Variants in GALNTL6 observed in about 807,000 individuals in gnomAD.
GALNTL6 encodes the protein polypeptide N-acetylgalactosaminyltransferase-like 6.
A neutral mutation model predicts 73.7 loss-of-function variants in GALNTL6; 46 were observed. The observed-to-expected ratio is 0.62, with a 90% CI of 0.49 to 0.80. The LOEUF is 0.80. Ranked by LOEUF, GALNTL6 falls within the 30% of genes least tolerant of loss-of-function variation. The pLI is 0.00. For missense variants in GALNTL6, 604 were observed against 755.0 expected (o/e 0.80, Z 2.34); for synonymous variants, 259 against 263.7 (o/e 0.98, Z 0.17).
intron 2 of GALNTL6, among the ~76,000 whole-genome samples, chr4:171,986,394 A>AC (rs1338487977): frequency 6.6e-6 from 1 of 151,952 alleles, no homozygotes; most frequent in Non-Finnish European, 1.5e-5. Flanking sequence ...TAAGGCAGGA[A>AC]CCCGCCATCT....
chr4:172,893,634 C>T (rs1053450751), intron 8 of GALNTL6, among the ~76,000 whole-genome samples: 7 of 152,176 alleles, frequency 4.6e-5, no homozygotes, highest in African/African-American at 1.7e-4. Flanking sequence ...ATCAGATGCA[C>T]CCCCGTCCCA....
At chr4:172,074,133 C>A (rs953298979) in intron 2 of GALNTL6, among the ~76,000 whole-genome samples, 1 of 152,140 alleles carries the variant, frequency 6.6e-6, no homozygotes, top group East Asian at 1.9e-4. Flanking sequence ...AGGAATAAGC[C>A]CTAAATACTT....
rs115058860 is a variant in GALNTL6, at chr4:172,279,428, A to G, written c.248-32186A>G. Among the ~76,000 whole-genome samples the G allele has an allele frequency of 7.0e-3, 1,062 of 152,288 alleles. 11 individuals carry two copies. The highest frequency in any genetic ancestry group is 0.025 in the African/African-American group (1,019 of 41,572). On this transcript the variant is annotated intron_variant, in intron 3 of 12. Transcript: ENST00000506823. ...CTTCAATAGACATTTTTTCCAAAGC[A>G]GATATACAAAATATCAATAAGCATA...
intron 5 of GALNTL6, among the ~76,000 whole-genome samples, chr4:172,774,402 G>A (rs1230943049): frequency 6.6e-6 from 1 of 152,108 alleles, no homozygotes; most frequent in Non-Finnish European, 1.5e-5. Context: ...ATAATGAGCT[G>A]TCCTTTCTGA....
chr4:172,136,439 A>T (rs1245786359), intron 2 of GALNTL6, among the ~76,000 whole-genome samples: 1 of 152,008 alleles, frequency 6.6e-6, no homozygotes, highest in Non-Finnish European at 1.5e-5. Context: ...GTCTCCTCAT[A>T]TGTAAAAGAA....
chr4:172,993,877 G>A (rs1177292169), intron 10 of GALNTL6, among the ~76,000 whole-genome samples: 2 of 152,116 alleles, frequency 1.3e-5, no homozygotes, highest in South Asian at 4.1e-4. Context: ...AGCCGAGATT[G>A]TGCCACTGCA....
At chr4:172,384,955 G>C (rs1247961181) in intron 5 of GALNTL6, among the ~76,000 whole-genome samples, 1 of 125,374 alleles carries the variant, frequency 8.0e-6, no homozygotes, top group Non-Finnish European at 1.6e-5. Context: ...TTTCAATTAT[G>C]TTATGTTGTA....
intron 3 of GALNTL6, among the ~76,000 whole-genome samples, chr4:172,270,729 T>TGATAGATAGATAGATAGATA (rs34612752): frequency 0.045 from 6,766 of 151,658 alleles, 202 homozygotes; most frequent in East Asian, 0.15. Context: ...GGTAGGTAGA[T>TGATAGATAGATAGATAGATA]GATAGATAGA....
intron 2 of GALNTL6, among the ~76,000 whole-genome samples, chr4:172,027,745 A>G (rs1017152046): frequency 1.3e-5 from 2 of 152,180 alleles, no homozygotes; most frequent in Non-Finnish European, 1.5e-5. Flanking sequence ...CAAATAGTGA[A>G]TGCAAAGGAA....
intron 8 of GALNTL6, among the ~76,000 whole-genome samples, chr4:172,893,561 C>G (rs1278414147): frequency 6.6e-6 from 1 of 152,208 alleles, no homozygotes; most frequent in Non-Finnish European, 1.5e-5. Context: ...CTGTAGGTAC[C>G]TTCCTGAGGG....
intron 2 of GALNTL6, among the ~76,000 whole-genome samples, chr4:171,899,067 G>T (rs1413880362): frequency 2.2e-5 from 1 of 44,832 alleles, no homozygotes; most frequent in Non-Finnish European, 4.5e-5. Context: ...TGTACTTTTA[G>T]TATTACTTTT....
At chr4:172,895,151 C>T (rs1050188439) in intron 8 of GALNTL6, among the ~76,000 whole-genome samples, 10 of 151,364 alleles carry the variant, frequency 6.6e-5, no homozygotes, top group Admixed American at 2.6e-4. Context: ...CATTCAGTCA[C>T]TGTGTCTTTT....
At chr4:171,976,572 A>G (rs1390132548) in intron 2 of GALNTL6, among the ~76,000 whole-genome samples, 3 of 152,244 alleles carry the variant, frequency 2.0e-5, no homozygotes, top group Admixed American at 2.0e-4. Flanking sequence ...GTTAACAAGA[A>G]GAGTATAACA....
chr4:172,507,438 TA>T (rs1186077150), intron 5 of GALNTL6, among the ~76,000 whole-genome samples: 1 of 54,038 alleles, frequency 1.9e-5, no homozygotes, highest in Admixed American at 2.7e-4. Context: ...TGAGGCTGTT[TA>T]TGAGGCCTTC....
At chr4:171,882,641 C>T (rs1048684734) in intron 2 of GALNTL6, among the ~76,000 whole-genome samples, 3 of 152,154 alleles carry the variant, frequency 2.0e-5, no homozygotes, top group East Asian at 1.9e-4. Flanking sequence ...TAGAGTCTGA[C>T]GTTTGAGGGC....
intron 5 of GALNTL6, chr4:172,668,825 G>T (rs935690785): frequency 2.0e-5 from 3 of 152,144 alleles, no homozygotes; most frequent in African/African-American, 7.2e-5. Context: ...AAAATAAGAT[G>T]AGGGGAGTGC....
At chr4:172,200,751 C>T (rs1478808604) in intron 2 of GALNTL6, among the ~76,000 whole-genome samples, 3 of 152,086 alleles carry the variant, frequency 2.0e-5, no homozygotes, top group African/African-American at 7.2e-5. Flanking sequence ...AGTGATTGTC[C>T]TTAACTTTTG....
chr4:172,054,334 A>G (rs1017601111), intron 2 of GALNTL6, among the ~76,000 whole-genome samples: 1 of 152,168 alleles, frequency 6.6e-6, no homozygotes, highest in Non-Finnish European at 1.5e-5. Context: ...AGCACATTTT[A>G]TATTTTACAT....
intron 5 of GALNTL6, among the ~76,000 whole-genome samples, chr4:172,379,712 A>G (rs1743202667): frequency 6.6e-6 from 1 of 151,976 alleles, no homozygotes; most frequent in Non-Finnish European, 1.5e-5. Flanking sequence ...CCCTGGAGCT[A>G]ACCTGACAAC....
Sources: gnomAD v4.1 joint callset for allele counts (sites outside exome capture counted in the v4.1 genomes callset) on GRCh38, gnomAD v4.1.1 for gene constraint, MANE v1.5 for transcripts, NCBI Gene and HGNC (gene_info 2026-07-23, HGNC 2026-07-21) for gene names.